The following EFCAB3 variants were observed in gnomAD, a reference collection of about 807,000 sequenced individuals.
EFCAB3 encodes EF-hand calcium-binding domain-containing protein 3.
In EFCAB3, 36 loss-of-function variants were observed where a neutral mutation model predicts 42.2. That is an observed-to-expected ratio of 0.85 (90% CI 0.65 to 1.13). The LOEUF (loss-of-function observed/expected upper bound fraction) is 1.13, where lower values mean the gene tolerates loss of function less well. Ranked by LOEUF, EFCAB3 falls within the 50% of genes most tolerant of loss-of-function variation. The pLI is 0.00. For missense variants in EFCAB3, 418 were observed against 505.1 expected (o/e 0.83, Z 1.65); for synonymous variants, 170 against 172.8 (o/e 0.98, Z 0.13).
At chr17:62,403,425 C>T (rs1201227247) in intron 6 of EFCAB3, among the ~76,000 whole-genome samples, 1 of 152,190 alleles carries the variant, frequency 6.6e-6, no homozygotes, top group African/African-American at 2.4e-5. Context: ...CATCTCCATC[C>T]ACTTTCCACA....
chr17:62,415,107 A>T (rs2070533822), intron 9 of EFCAB3, among the ~76,000 whole-genome samples: 1 of 142,526 alleles, frequency 7.0e-6, no homozygotes, highest in Non-Finnish European at 1.5e-5. Flanking sequence ...CCGTCTCAAA[A>T]ACAAAAAAAA....
At position 62,375,259 on chromosome 17, in the gene EFCAB3, T is replaced by C. The variant is rs2070141357; in HGVS notation, c.88+1392T>C. ...AGTTAGTCCTGTTGTATTTTATTTGTAAAAGAAAAAATATCTACCTTTTAA... is the reference window on the plus strand; with the variant it reads ...AGTTAGTCCTGTTGTATTTTATTTGCAAAAGAAAAAATATCTACCTTTTAA... On this transcript the variant is annotated intron_variant, in intron 2 of 11. Transcript: ENST00000450662. 3.3e-5 allele frequency among the ~76,000 whole-genome samples: 5 copies of C among 152,358 alleles called. No homozygotes were observed. The South Asian group carries it at 1.0e-3, about 32-fold the overall frequency.
chr17:62,391,179 G>A (rs1374768569), intron 3 of EFCAB3, among the ~76,000 whole-genome samples: 1 of 152,058 alleles, frequency 6.6e-6, no homozygotes, highest in African/African-American at 2.4e-5. Flanking sequence ...TTAAGGTGTT[G>A]GCCAGCCTGT....
chr17:62,416,305 A>G lies in EFCAB3; in HGVS notation c.1293A>G (p.Lys431=). 1.9e-6 allele frequency: 3 copies of G among 1,604,574 alleles called. No homozygotes were observed. The highest frequency in any genetic ancestry group is 2.5e-6 in the Non-Finnish European group (3 of 1,176,786). Residue 431 remains lysine, a synonymous_variant, in exon 10 of 10, where the codon AAA becomes AAG. Transcript: ENST00000305286. The stretch of plus-strand genomic sequence containing the variant: ...ACTCAGGAAGAAAAAGAAAACGGAA[A>G]GGTTTAAAGGGATTTCAACAATGAA... ...YTDSGRKRKR[K]GLKGFQQ
intron 2 of EFCAB3, among the ~76,000 whole-genome samples, 168 bp from the exon 3 acceptor site, chr17:62,387,172 G>C (rs74346115): frequency 0.04 from 6,062 of 152,150 alleles, 399 homozygotes; most frequent in African/African-American, 0.14. Context: ...TTTTCTCACT[G>C]TTCATCCTGT....
intron 6 of EFCAB3, among the ~76,000 whole-genome samples, chr17:62,402,499 A>T (rs936134806): frequency 7.2e-5 from 11 of 152,114 alleles, no homozygotes; most frequent in Non-Finnish European, 1.5e-4. Flanking sequence ...TTTAGCATGA[A>T]GCGCTGTTGA....
At chr17:62,386,704 T>A (rs1266704068) in intron 2 of EFCAB3, among the ~76,000 whole-genome samples, 2 of 152,216 alleles carry the variant, frequency 1.3e-5, no homozygotes, top group Non-Finnish European at 2.9e-5. Context: ...CCATTTACTA[T>A]CTGTATAACC....
intron 8 of EFCAB3, among the ~76,000 whole-genome samples, chr17:62,411,829 G>A (rs1191095281): frequency 6.9e-6 from 1 of 144,192 alleles, no homozygotes; most frequent in African/African-American, 2.6e-5. Flanking sequence ...AGGGAGGGAG[G>A]AAGGAGGGAA....
At chr17:62,403,586 G>T (rs1479221718) in intron 6 of EFCAB3, among the ~76,000 whole-genome samples, 3 of 152,190 alleles carry the variant, frequency 2.0e-5, no homozygotes, top group Non-Finnish European at 4.4e-5. Context: ...AACTTAACGT[G>T]ACATTTCAAA....
intron 4 of EFCAB3, among the ~76,000 whole-genome samples, chr17:62,393,047 A>G (rs1467395994): frequency 5.3e-5 from 8 of 152,086 alleles, no homozygotes; most frequent in African/African-American, 1.9e-4. Flanking sequence ...TCTCCACCCA[A>G]CTGCTAGTGC....
At chr17:62,404,800 A>AAATAAT (rs143877290) in intron 6 of EFCAB3, among the ~76,000 whole-genome samples, 2 of 151,778 alleles carry the variant, frequency 1.3e-5, no homozygotes, top group Non-Finnish European at 2.9e-5. Flanking sequence ...CCATCTCAAA[A>AAATAAT]AATAATAATA....
At chr17:62,371,311 T>C (rs919979002) in intron 1 of EFCAB3, among the ~76,000 whole-genome samples, 1 of 151,902 alleles carries the variant, frequency 6.6e-6, no homozygotes, top group Non-Finnish European at 1.5e-5. Context: ...TCCCAACACT[T>C]TGGGAGGCTG....
chr17:62,404,123 T>A (rs549354560), intron 6 of EFCAB3, among the ~76,000 whole-genome samples: 3 of 152,344 alleles, frequency 2.0e-5, no homozygotes, highest in East Asian at 1.9e-4. Context: ...GGTGCAGGCC[T>A]GTAGTTACAG....
intron 1 of EFCAB3, among the ~76,000 whole-genome samples, chr17:62,372,305 C>T (rs940380474): frequency 2.4e-4 from 36 of 152,214 alleles, no homozygotes; most frequent in African/African-American, 8.2e-4. Flanking sequence ...GGGTCTGGCT[C>T]TGTCACCCAG....
At chr17:62,384,571 C>T (rs1382914169) in intron 2 of EFCAB3, among the ~76,000 whole-genome samples, 28 of 152,156 alleles carry the variant, frequency 1.8e-4, no homozygotes, top group Non-Finnish European at 1.5e-5. Context: ...GCTGAGATCG[C>T]ACCACTGTGC....
chr17:62,376,779 T>C (rs2070154056), upstream of EFCAB3, among the ~76,000 whole-genome samples: 1 of 152,228 alleles, frequency 6.6e-6, no homozygotes, highest in Non-Finnish European at 1.5e-5. Context: ...TATTTGATGG[T>C]GAACATTCAG....
rs2070322422 is a variant in EFCAB3, at chr17:62,393,570, C to T, written c.296-3C>T. 6.2e-7 allele frequency: 1 copy of T among 1,613,110 alleles called. No individual in the cohort carries two copies. Among genetic ancestry groups the T allele is most frequent in the African/African-American group, 1.3e-5 (1 of 74,816 alleles). The stretch of plus-strand genomic sequence containing the variant: ...TGTCCTGAGTCTCAGATTTTTGTTG[C>T]AGGAGATGGGAAGGTGAACTTCTCA... On this transcript the variant is annotated splice_region_variant and splice_polypyrimidine_tract_variant and intron_variant, in intron 4 of 9. Coordinates refer to ENST00000305286, the MANE Select transcript of EFCAB3 (RefSeq NM_173503.4).
rs569857808 is a variant in EFCAB3, at chr17:62,398,170, C to T, written c.488+2982C>T. The T allele has an allele frequency of 8.9e-5, 19 of 212,540 alleles. No homozygotes were observed. The South Asian group carries it at 1.3e-3, about 15-fold the overall frequency. The allele number at this position is 212,540 out of a possible 1,614,324, so 13.2% of individuals were successfully genotyped here. A position where few individuals can be genotyped will look rare whatever the true frequency, so the allele number is the denominator to read the frequency against. ...TTTAATAGTGAAAACACTGTAGTGA[C>T]GGGCCAGGCGTGATGGCTCACGTCT... is the stretch of plus-strand genomic sequence containing the variant. On this transcript the variant is annotated intron_variant, in intron 6 of 9. Transcript: ENST00000305286.
At position 62,406,665 on chromosome 17, in the gene EFCAB3, A is replaced by G; in HGVS notation, c.674A>G (p.Glu225Gly). 2.5e-6 allele frequency: 4 copies of G among 1,614,002 alleles called. No homozygotes were observed. Among genetic ancestry groups the G allele is most frequent in the Non-Finnish European group, 3.4e-6 (4 of 1,179,932 alleles). The change falls in exon 7 of 10, where the codon GAG becomes GGG. Residue 225 changes from glutamate to glycine, a missense_variant. By Grantham distance (98) the Glu-to-Gly change is moderately conservative. Coordinates refer to ENST00000305286, the MANE Select transcript of EFCAB3 (RefSeq NM_173503.4). ...AAGGATTTATTTAAATTTCTTGAAG[A>G]GCTCAAGAGTAAGAGCCATTTGTTC... is the stretch of plus-strand genomic sequence containing the variant. ...KEKDLFKFLE[E>G]LKRCNSGSDS...
Sources: allele counts gnomAD v4.1 joint callset (sites outside exome capture counted in the v4.1 genomes callset), GRCh38; gene constraint gnomAD v4.1.1; transcripts MANE v1.5; gene names NCBI Gene and HGNC (gene_info 2026-07-23, HGNC 2026-07-21).